The following PRDM1 variants were observed in gnomAD, a reference collection of about 807,000 sequenced individuals.
PRDM1 encodes PR domain zinc finger protein 1.
In PRDM1, 13 loss-of-function variants were observed where a neutral mutation model predicts 62.8. That is an observed-to-expected ratio of 0.21 (90% CI 0.13 to 0.33). The LOEUF is 0.33. PRDM1 is among the 10% of genes least tolerant of loss of function. PRDM1 has a pLI of 1.00. For synonymous variants in PRDM1, 396 were observed against 417.6 expected (o/e 0.95, Z 0.63); for missense variants, 895 against 1,058.8 (o/e 0.85, Z 2.15).
intron 1 of PRDM1, among the ~76,000 whole-genome samples, chr6:106,027,326 C>T (rs1165009840): frequency 6.6e-6 from 1 of 152,162 alleles, no homozygotes. Flanking sequence ...CCACAGAAAC[C>T]CCAAGAGTCC....
intron 2 of PRDM1, among the ~76,000 whole-genome samples, chr6:106,092,763 T>TA (rs927407301): frequency 6.6e-5 from 10 of 152,284 alleles, no homozygotes; most frequent in South Asian, 4.2e-4. Flanking sequence ...ACCATAGTCT[T>TA]AGAGTTTCAG....
At chr6:106,079,911 G>T (rs1773666038) in intron 1 of PRDM1, among the ~76,000 whole-genome samples, 1 of 152,200 alleles carries the variant, frequency 6.6e-6, no homozygotes, top group Non-Finnish European at 1.5e-5. Context: ...AGGCTATTGA[G>T]CAGGGAAGAG....
chr6:106,034,271 G>A (rs535118839), intron 1 of PRDM1, among the ~76,000 whole-genome samples: 27 of 151,164 alleles, frequency 1.8e-4, no homozygotes, highest in African/African-American at 5.8e-4. Flanking sequence ...TGCTCTAATC[G>A]TTATTATTTC....
At chr6:106,027,427 T>C (rs972677482) in intron 1 of PRDM1, among the ~76,000 whole-genome samples, 3 of 152,192 alleles carry the variant, frequency 2.0e-5, no homozygotes, top group African/African-American at 4.8e-5. Flanking sequence ...ACAGGCCACA[T>C]GAAACAACTG....
intron 4 of PRDM1, among the ~76,000 whole-genome samples, chr6:106,101,221 C>T (rs2114642584): frequency 6.6e-6 from 1 of 152,182 alleles, no homozygotes; most frequent in Non-Finnish European, 1.5e-5. Context: ...AGAGGAAAGT[C>T]TTTTGATTTT....
chr6:106,000,789 ATTAAT>A (rs1476535415), intron 1 of PRDM1, among the ~76,000 whole-genome samples: 25 of 152,336 alleles, frequency 1.6e-4, no homozygotes, highest in African/African-American at 5.3e-4. Context: ...ACATGCCATT[ATTAAT>A]TTATCTATTT....
At chr6:106,016,424 G>A (rs1250947483) in intron 1 of PRDM1, among the ~76,000 whole-genome samples, 2 of 151,838 alleles carry the variant, frequency 1.3e-5, no homozygotes, top group East Asian at 1.9e-4. Flanking sequence ...TGAGAGTAAG[G>A]GACATGTAGT....
At chr6:106,047,920 A>C (rs780918927), upstream of PRDM1, among the ~76,000 whole-genome samples, 1 of 152,206 alleles carries the variant, frequency 6.6e-6, no homozygotes, top group Non-Finnish European at 1.5e-5. Context: ...TCAAAGTAGA[A>C]GCATACTCCA....
At chr6:106,083,502 C>T (rs1405432076), upstream of PRDM1, among the ~76,000 whole-genome samples, 1 of 152,050 alleles carries the variant, frequency 6.6e-6, no homozygotes, top group African/African-American at 2.4e-5. Context: ...AGTCATCTGG[C>T]CACCAACATT....
intron 4 of PRDM1, among the ~76,000 whole-genome samples, chr6:106,101,960 T>G: frequency 6.6e-6 from 1 of 152,318 alleles, no homozygotes; most frequent in Admixed American, 6.5e-5. Flanking sequence ...CTCCCAAATT[T>G]GGCAGGGGGG....
At chr6:106,013,886 C>T (rs138932104) in intron 1 of PRDM1, among the ~76,000 whole-genome samples, 1 of 152,196 alleles carries the variant, frequency 6.6e-6, no homozygotes, top group African/African-American at 2.4e-5. Context: ...GTCACCTCTT[C>T]ACAGAGGCTT....
chr6:106,052,155 G>A (rs1213823660), intron 1 of PRDM1, among the ~76,000 whole-genome samples: 1 of 152,038 alleles, frequency 6.6e-6, no homozygotes, highest in African/African-American at 2.4e-5. Flanking sequence ...ACACTTAAAA[G>A]TGGTTAAAAT....
intron 2 of PRDM1, among the ~76,000 whole-genome samples, chr6:106,094,910 C>CAA (rs1195890062): frequency 4.4e-5 from 5 of 113,872 alleles, no homozygotes; most frequent in East Asian, 4.0e-4. Context: ...CTTTAAAACA[C>CAA]ACACACACAC....
chr6:106,004,412 A>C (rs1189625495), intron 1 of PRDM1, among the ~76,000 whole-genome samples: 1 of 152,244 alleles, frequency 6.6e-6, no homozygotes, highest in Non-Finnish European at 1.5e-5. Flanking sequence ...AATGAATGTA[A>C]CTATTGACTA....
intron 4 of PRDM1, 74 bp from the exon 5 acceptor site, chr6:106,104,751 G>A: frequency 6.7e-7 from 1 of 1,492,758 alleles, no homozygotes; most frequent in Non-Finnish European, 9.0e-7. Flanking sequence ...TCTCAAGAAG[G>A]AGGAGCAACT....
At chr6:105,995,251 A>G (rs1772334693) in intron 1 of PRDM1, among the ~76,000 whole-genome samples, 1 of 152,132 alleles carries the variant, frequency 6.6e-6, no homozygotes, top group South Asian at 2.1e-4. Context: ...GGGATCAATG[A>G]TCTTTCATAA....
intron 2 of PRDM1, among the ~76,000 whole-genome samples, chr6:106,094,557 A>T (rs1665904094): frequency 6.6e-6 from 1 of 152,130 alleles, no homozygotes; most frequent in African/African-American, 2.4e-5. Flanking sequence ...GTCTGAGGTC[A>T]TTTCCTCAGA....
intron 1 of PRDM1, among the ~76,000 whole-genome samples, chr6:106,004,109 C>G (rs564400821): frequency 1.3e-5 from 2 of 151,948 alleles, no homozygotes; most frequent in African/African-American, 4.8e-5. Context: ...TCAAAGGTTC[C>G]CAGGGGGCTA....
chr6:106,036,503 A>G (rs991807202), intron 1 of PRDM1, among the ~76,000 whole-genome samples: 7 of 152,238 alleles, frequency 4.6e-5, no homozygotes, highest in African/African-American at 1.7e-4. Context: ...TTAGTTCAAT[A>G]ACATGCTAAC....
Sources: allele counts gnomAD v4.1 joint callset (sites outside exome capture counted in the v4.1 genomes callset), GRCh38; gene constraint gnomAD v4.1.1; transcripts MANE v1.5; gene names NCBI Gene and HGNC (gene_info 2026-07-23, HGNC 2026-07-21).